WLS: variants seen among roughly 807,000 people sequenced by gnomAD.
WLS encodes Wnt ligand secretion mediator.
In WLS, 23 loss-of-function variants were observed where a neutral mutation model predicts 62.8. The ratio of observed to expected loss-of-function variants is 0.37; its 90% CI spans 0.26 to 0.52. WLS has a LOEUF of 0.52. Ranked by LOEUF, WLS falls within the 20% of genes least tolerant of loss-of-function variation. The pLI is 0.92. For missense variants in WLS, 615 were observed against 697.3 expected, an observed-to-expected ratio of 0.88 and a Z score of 1.33; for synonymous variants, 246 against 244.1, an observed-to-expected ratio of 1.01 and a Z score of -0.07.
chr1:68,228,458 C>T (rs770687344), intron 1 of WLS, among the ~76,000 whole-genome samples: 1 of 152,116 alleles, frequency 6.6e-6, no homozygotes, highest in Non-Finnish European at 1.5e-5. Flanking sequence ...TACATGGTCT[C>T]CTTCCCTCCC....
chr1:68,151,317 C>G (rs568731609), intron 5 of WLS, among the ~76,000 whole-genome samples: 3 of 152,198 alleles, frequency 2.0e-5, no homozygotes, highest in Admixed American at 2.0e-4. Flanking sequence ...ACCAGAGAAA[C>G]AAAGAGGGCT....
chr1:68,180,438 G>A (rs1436394090), intron 2 of WLS, among the ~76,000 whole-genome samples: 1 of 152,094 alleles, frequency 6.6e-6, no homozygotes, highest in Non-Finnish European at 1.5e-5. Flanking sequence ...TGTTGGGAGG[G>A]AAACTGAGGC....
chr1:68,107,645 A>T (rs1056185689), intron 11 of WLS, among the ~76,000 whole-genome samples: 5 of 152,162 alleles, frequency 3.3e-5, no homozygotes, highest in Non-Finnish European at 5.9e-5. Flanking sequence ...AAAAAACATG[A>T]TCTTCCATTT....
chr1:68,101,568 TC>T (rs1195195611), intron 11 of WLS, among the ~76,000 whole-genome samples: 1 of 152,240 alleles, frequency 6.6e-6, no homozygotes, highest in East Asian at 1.9e-4. Flanking sequence ...TCTAGTGTGT[TC>T]CTGAGAGTGC....
chr1:68,150,622 G>A (rs914987957), intron 5 of WLS, among the ~76,000 whole-genome samples: 1 of 152,200 alleles, frequency 6.6e-6, no homozygotes, highest in Non-Finnish European at 1.5e-5. Context: ...GCAGATGGCA[G>A]TCTTCCTATA....
At chr1:68,183,608 G>C (rs766477953) in intron 2 of WLS, 50 of 506,418 alleles carry the variant, frequency 9.9e-5, no homozygotes, top group Middle Eastern at 3.6e-4. Context: ...CACCATTGTA[G>C]ATAATGTGAG....
Position 68,148,136 on chromosome 1 carries a change from G to T in WLS, c.1134C>A (p.Ala378=). ...IWTTDIGTEL[A]MAFIIVAGIC... ...CCCTGAGCCCATCAAGGAAGGATAC[G>T]GCCAGCTCTGTTCCAATGTCTGTAG... Residue 378 remains alanine, a splice_region_variant and synonymous_variant, in exon 8 of 12, where the codon GCC becomes GCA. Coordinates refer to ENST00000262348, the MANE Select transcript of WLS (RefSeq NM_024911.7). 6.2e-6 allele frequency: 10 copies of T among 1,614,120 alleles called. No individual in the cohort carries two copies. The highest frequency in any genetic ancestry group is 8.5e-6 in the Non-Finnish European group (10 of 1,180,002).
At position 68,215,064 on chromosome 1, in the gene WLS, A is replaced by G. The variant is rs183828782; in HGVS notation, c.106+17130T>C. On this transcript the variant is annotated intron_variant, in intron 1 of 11. Transcript: ENST00000262348. ...CGTGGCTAGTGCTTGGCTTGGTCACATGTCCATCACTGGAATCAGAAGTGA... is the reference window on the plus strand; with the variant it reads ...CGTGGCTAGTGCTTGGCTTGGTCACGTGTCCATCACTGGAATCAGAAGTGA... Among the ~76,000 whole-genome samples the G allele has an allele frequency of 2.6e-3, 390 of 152,344 alleles. 6 individuals are homozygous for G. The highest frequency in any genetic ancestry group is 0.018 in the Admixed American group (278 of 15,304).
intron 11 of WLS, among the ~76,000 whole-genome samples, chr1:68,109,361 T>C (rs1432447166): frequency 1.3e-5 from 2 of 152,242 alleles, no homozygotes; most frequent in Non-Finnish European, 2.9e-5. Context: ...CAATAAAATA[T>C]GATCAATGAA....
intron 11 of WLS, among the ~76,000 whole-genome samples, chr1:68,135,502 G>A (rs1646595645): frequency 6.6e-6 from 1 of 151,968 alleles, no homozygotes; most frequent in Non-Finnish European, 1.5e-5. Flanking sequence ...ACTTACATTT[G>A]GGAGCAGTGG....
intron 2 of WLS, among the ~76,000 whole-genome samples, chr1:68,170,643 A>T (rs1167387384): frequency 1.3e-5 from 2 of 151,558 alleles, no homozygotes; most frequent in Non-Finnish European, 2.9e-5. Flanking sequence ...CCAGACTCCT[A>T]CTCATCTTCT....
At chr1:68,114,751 G>A (rs1393560559) in intron 11 of WLS, among the ~76,000 whole-genome samples, 1 of 152,342 alleles carries the variant, frequency 6.6e-6, no homozygotes, top group East Asian at 1.9e-4. Flanking sequence ...AAGTGGGCAA[G>A]ATTCATATTT....
At chr1:68,137,735 C>A in intron 11 of WLS, 45 bp downstream of exon 11, 1 of 1,575,110 alleles carries the variant, frequency 6.3e-7, no homozygotes. Context: ...AAGACAGAAG[C>A]CTATTTATCC....
chr1:68,187,002 G>C (rs1647988072), intron 2 of WLS, among the ~76,000 whole-genome samples: 1 of 151,660 alleles, frequency 6.6e-6, no homozygotes, highest in African/African-American at 2.4e-5. Flanking sequence ...ACAAGGTCAG[G>C]AGATCGAGAC....
chr1:68,231,244 A>C (rs1650402850), intron 1 of WLS, among the ~76,000 whole-genome samples: 1 of 152,014 alleles, frequency 6.6e-6, no homozygotes, highest in Non-Finnish European at 1.5e-5. Context: ...CTTCACCCGG[A>C]AGCCTGTTTG....
intron 11 of WLS, among the ~76,000 whole-genome samples, chr1:68,128,611 T>C (rs1291094486): frequency 6.6e-6 from 1 of 152,368 alleles, no homozygotes; most frequent in South Asian, 2.1e-4. Context: ...ACTTAAAATA[T>C]GACTCCAATT....
Position 68,167,012 on chromosome 1 carries a change from C to T in WLS, c.380-7765G>A, listed in dbSNP as rs12145035. Among the ~76,000 whole-genome samples the T allele has an allele frequency of 5.9e-3, 902 of 152,266 alleles. 2 individuals carry two copies. Among genetic ancestry groups the T allele is most frequent in the Non-Finnish European group, 9.6e-3 (650 of 68,026 alleles). On this transcript the variant is annotated intron_variant, in intron 2 of 11. Transcript: ENST00000262348. ...TGACCTTTACTAGACTGTGATATCA[C>T]TCCTCACCCCCAGACAGATAGCACA...
At chr1:68,190,765 T>C (rs984717854) in intron 2 of WLS, among the ~76,000 whole-genome samples, 2 of 152,122 alleles carry the variant, frequency 1.3e-5, no homozygotes, top group African/African-American at 4.8e-5. Context: ...AGCTAAGAAA[T>C]GTTTATAGGT....
chr1:68,216,603 T>C (rs1227778165), intron 1 of WLS, among the ~76,000 whole-genome samples: 1 of 152,192 alleles, frequency 6.6e-6, no homozygotes, highest in Non-Finnish European at 1.5e-5. Flanking sequence ...AGGCCCTCTC[T>C]ACATTCAAAT....
Sources: allele counts gnomAD v4.1 joint callset (sites outside exome capture counted in the v4.1 genomes callset), GRCh38; gene constraint gnomAD v4.1.1; transcripts MANE v1.5; gene names NCBI Gene and HGNC (gene_info 2026-07-23, HGNC 2026-07-21).